ADSL: variants seen among roughly 807,000 people sequenced by gnomAD.
The protein encoded by ADSL is adenylosuccinate lyase.
ADSL carries 44 observed loss-of-function variants against 62.1 expected under a neutral mutation model. The ratio of observed to expected loss-of-function variants is 0.71; its 90% CI spans 0.56 to 0.91. The LOEUF (loss-of-function observed/expected upper bound fraction) is 0.91, where lower values mean the gene tolerates loss of function less well. Among genes scored for constraint, ADSL ranks in the 40% least tolerant of loss-of-function variants. The probability of loss-of-function intolerance (pLI) is 0.00; values close to 1 mark genes in which losing one functional copy is unlikely to be tolerated. For missense variants in ADSL, 531 were observed against 627.4 expected (o/e 0.85, Z 1.64); for synonymous variants, 198 against 220.5 (o/e 0.90, Z 0.90).
At chr22:40,384,022 G>A (rs1421517285) in intron 2 of ADSL, among the ~76,000 whole-genome samples, 4 of 152,200 alleles carry the variant, frequency 2.6e-5, no homozygotes, top group Non-Finnish European at 5.9e-5. Context: ...GCCAAAGTGG[G>A]AGGATTGCTT....
intron 1 of ADSL, 118 bp from the exon 2 acceptor site, chr22:40,349,714 T>A (rs983022020): frequency 1.1e-6 from 1 of 933,410 alleles, no homozygotes. Context: ...AATTTTAATT[T>A]AAGGGTTGGG....
At chr22:40,346,837 T>G in intron 1 of ADSL, 126 bp downstream of exon 1, 1 of 1,043,320 alleles carries the variant, frequency 9.6e-7, no homozygotes, top group South Asian at 1.6e-5. Context: ...AGCTGGGTGT[T>G]CCCTGTCCTG....
At position 40,346,566 on chromosome 22, in the gene ADSL, C is replaced by T; in HGVS notation, c.8C>T (p.Ala3Val). 2 of 1,604,378 alleles carry T rather than the reference C, an allele frequency of 1.2e-6. No homozygotes were observed. The highest frequency in any genetic ancestry group is 2.2e-5 in the East Asian group (1 of 44,584). Residue 3 changes from alanine to valine, a missense_variant, in exon 1 of 13, where the codon GCT (alanine) becomes GTT (valine). Ala to Val is a moderately conservative substitution (Grantham distance 64). Coordinates refer to ENST00000623063, the MANE Select transcript of ADSL (RefSeq NM_000026.4). ...CGGGGTCGCAGGGTTGGGATGGCGG[C>T]TGGAGGCGATCATGGTTCGCCCGAC... MA[A>V]GGDHGSPDSY... is the part of the protein sequence containing the mutation.
At position 40,368,636 on chromosome 22, in the gene ADSL, G is replaced by A. The variant is rs2045067769; in HGVS notation, c.*2114G>A. On this transcript the variant is annotated 3_prime_UTR_variant, in exon 13 of 13. Coordinates refer to ENST00000623063, the MANE Select transcript of ADSL (RefSeq NM_000026.4). ...ACTCTGTTCATCTCTAAAAAATCTTGAAAAGGGCCGGGTGCGGTGGTGGCT... is the reference window on the plus strand; with the variant it reads ...ACTCTGTTCATCTCTAAAAAATCTTAAAAAGGGCCGGGTGCGGTGGTGGCT... The A allele has an allele frequency of 6.6e-6, 1 of 152,134 alleles. No individual in the cohort carries two copies. The highest frequency in any genetic ancestry group is 6.5e-5 in the Admixed American group (1 of 15,268). 9.4% of individuals were successfully genotyped at this position (152,134 alleles called of 1,614,324 possible). A position where few individuals can be genotyped will look rare whatever the true frequency, so the allele number is the denominator to read the frequency against.
At chr22:40,374,774 G>A (rs1440267098) in intron 2 of ADSL, among the ~76,000 whole-genome samples, 2 of 152,234 alleles carry the variant, frequency 1.3e-5, no homozygotes, top group Non-Finnish European at 2.9e-5. Flanking sequence ...CAGCTACTCG[G>A]GAGGCTGAGG....
intron 9 of ADSL, 175 bp downstream of exon 9, chr22:40,361,810 G>A (rs2044800958): frequency 1.2e-6 from 1 of 837,090 alleles, no homozygotes; most frequent in Non-Finnish European, 1.9e-6. Context: ...TACAATTGGA[G>A]TGTGTACTGG....
At chr22:40,364,171 T>C in intron 10 of ADSL, 105 bp from the exon 11 acceptor site, 1 of 817,060 alleles carries the variant, frequency 1.2e-6, no homozygotes, top group Non-Finnish European at 2.1e-6. Flanking sequence ...CTCCATAATG[T>C]GGTAGTTAGT....
intron 2 of ADSL, among the ~76,000 whole-genome samples, chr22:40,375,439 G>T (rs951804928): frequency 5.9e-5 from 9 of 151,850 alleles, no homozygotes; most frequent in African/African-American, 2.2e-4. Flanking sequence ...AATTAGCTGG[G>T]TGTGGTGGCA....
intron 3 of ADSL, chr22:40,353,473 TG>T (rs1263541357): frequency 1.4e-6 from 1 of 696,410 alleles, no homozygotes. Context: ...TCTGTAGAAA[TG>T]GTTTTTGCCA....
intron 4 of ADSL, among the ~76,000 whole-genome samples, chr22:40,358,055 G>A (rs970472522): frequency 1.3e-5 from 2 of 152,124 alleles, no homozygotes; most frequent in African/African-American, 4.8e-5. Context: ...TGGGATTATA[G>A]GCATGAGCCA....
intron 2 of ADSL, among the ~76,000 whole-genome samples, chr22:40,384,780 C>CA (rs1449627031): frequency 4.7e-5 from 7 of 149,722 alleles, no homozygotes; most frequent in African/African-American, 1.2e-4. Context: ...GACTCCACCT[C>CA]AAAAAAAAAG....
intron 12 of ADSL, among the ~76,000 whole-genome samples, chr22:40,365,512 G>A (rs76173195): frequency 0.022 from 3,414 of 152,252 alleles, 127 homozygotes; most frequent in African/African-American, 0.078. Flanking sequence ...TGATTGAAAT[G>A]CCTGAGTATA....
intron 9 of ADSL, among the ~76,000 whole-genome samples, 176 bp from the exon 10 acceptor site, chr22:40,362,805 C>T (rs2044844962): frequency 6.6e-6 from 1 of 152,102 alleles, no homozygotes; most frequent in African/African-American, 2.4e-5. Context: ...GGCACTTGAG[C>T]AAGTGGTCTG....
chr22:40,380,351 A>G (rs775994999), intron 2 of ADSL, among the ~76,000 whole-genome samples: 3 of 149,644 alleles, frequency 2.0e-5, no homozygotes, highest in Non-Finnish European at 4.4e-5. Flanking sequence ...TTTTTTAACC[A>G]TGAATATCTA....
chr22:40,350,148 G>A, intron 2 of ADSL, 113 bp downstream of exon 2: 1 of 911,654 alleles, frequency 1.1e-6, no homozygotes, highest in Non-Finnish European at 1.6e-6. Flanking sequence ...TTTTTTTTTT[G>A]AGGCAGAGTC....
chr22:40,361,551 G>A lies in ADSL; in HGVS notation c.926G>A (p.Arg309His), dbSNP rs749817666. Residue 309 changes from arginine to histidine, a missense_variant, in exon 9 of 13, where the codon CGC becomes CAC. Physicochemically the swap from Arg to His is conservative, Grantham distance 29 (BLOSUM62 0). This residue lies in a region of ADSL where 471 missense variants were observed against 592.9 expected (regional missense o/e 0.79). Transcript: ENST00000623063. ...MRSERCCSLARHLMTLVMDPL... is the reference protein window; with the variant it reads ...MRSERCCSLAHHLMTLVMDPL... ...TCAGAACGTTGCTGCAGTCTTGCCC[G>A]CCACCTGATGACCCTTGTCATGGAC... The A allele has an allele frequency of 5.0e-6, 8 of 1,614,118 alleles. No homozygotes were observed. The highest frequency in any genetic ancestry group is 2.2e-5 in the East Asian group (1 of 44,886).
intron 9 of ADSL, among the ~76,000 whole-genome samples, chr22:40,362,550 G>A (rs1489389701): frequency 1.3e-5 from 2 of 152,224 alleles, no homozygotes; most frequent in Non-Finnish European, 2.9e-5. Flanking sequence ...TAAATGGAGA[G>A]GAAGGATATA....
downstream of ADSL, among the ~76,000 whole-genome samples, chr22:40,374,219 TG>T (rs1480623602): frequency 6.6e-6 from 1 of 152,188 alleles, no homozygotes; most frequent in Non-Finnish European, 1.5e-5. Flanking sequence ...CCCAAAGTGC[TG>T]GGATTACAGG....
Position 40,368,418 on chromosome 22 carries a change from C to T in ADSL, c.*1896C>T, listed in dbSNP as rs1321387762. ...ACTTGGGAAGCTGAGGCGATAGGGT[C>T]ACTTGAGCCCAAGAGTTTAGTCCAG... is the stretch of plus-strand genomic sequence containing the variant. On this transcript the variant is annotated 3_prime_UTR_variant, in exon 13 of 13. Transcript: ENST00000623063. The T allele has an allele frequency of 6.6e-6, 1 of 151,900 alleles. No individual in the cohort carries two copies. The highest frequency in any genetic ancestry group is 1.5e-5 in the Non-Finnish European group (1 of 67,972). 9.4% of individuals were successfully genotyped at this position (151,900 alleles called of 1,614,324 possible).
Sources: allele counts gnomAD v4.1 joint callset (sites outside exome capture counted in the v4.1 genomes callset), GRCh38; gene constraint gnomAD v4.1.1; regional missense constraint gnomAD v4.1.1; transcripts MANE v1.5; gene names NCBI Gene and HGNC (gene_info 2026-07-23, HGNC 2026-07-21).